Variants in RNU2-2 observed in about 807,000 individuals in gnomAD.
RNU2-2 encodes RNA, U2 small nuclear 2, also known as RNA, U2 small nuclear 2, pseudogene.
chr11:62,841,742 C>T, the RNU2-2 span: 3 of 152,144 alleles, frequency 2.0e-5, no homozygotes, highest in Admixed American at 6.5e-5. Flanking sequence ...GGATAGAGGA[C>T]GTATCAGATA....
chr11:62,841,729 C>CTCGGAT, the RNU2-2 span: 1 of 152,124 alleles, frequency 6.6e-6, no homozygotes. Flanking sequence ...ATATATTGTC[C>CTCGGAT]TCGGATAGAG....
chr11:62,841,772 T>A, the RNU2-2 span: 1 of 152,332 alleles, frequency 6.6e-6, no homozygotes, highest in Non-Finnish European at 1.5e-5. Flanking sequence ...TAAGAACAGA[T>A]ACTACACTTG....
the RNU2-2 span, chr11:62,841,773 A>C: frequency 6.6e-6 from 1 of 152,234 alleles, no homozygotes; most frequent in Admixed American, 6.5e-5. Flanking sequence ...AAGAACAGAT[A>C]CTACACTTGA....
chr11:62,841,698 C>A, the RNU2-2 span: 3 of 152,192 alleles, frequency 2.0e-5, no homozygotes, highest in Admixed American at 1.3e-4. Flanking sequence ...ATTCCATCTC[C>A]TATTTCCAAA....
chr11:62,841,732 G>T, the RNU2-2 span: 10 of 152,108 alleles, frequency 6.6e-5, no homozygotes, highest in African/African-American at 9.7e-5. Flanking sequence ...TATTGTCCTC[G>T]GATAGAGGAC....
At chr11:62,841,745 A>G in the RNU2-2 span, 3 of 152,332 alleles carry the variant, frequency 2.0e-5, no homozygotes, top group East Asian at 1.9e-4. Context: ...TAGAGGACGT[A>G]TCAGATATTA....
At chr11:62,841,684 T>A in the RNU2-2 span, 1 of 151,956 alleles carries the variant, frequency 6.6e-6, no homozygotes, top group Non-Finnish European at 1.5e-5. Context: ...CGGAGCAAGC[T>A]CCTATTCCAT....
chr11:62,841,723 A>AT, the RNU2-2 span: 1 of 152,190 alleles, frequency 6.6e-6, no homozygotes, highest in Admixed American at 6.5e-5. Context: ...CATTTAATAT[A>AT]TTGTCCTCGG....
chr11:62,841,728 C>G, the RNU2-2 span: 1 of 152,182 alleles, frequency 6.6e-6, no homozygotes, highest in African/African-American at 2.4e-5. Flanking sequence ...AATATATTGT[C>G]CTCGGATAGA....
the RNU2-2 span, chr11:62,841,765 G>C: frequency 2.0e-5 from 3 of 152,312 alleles, no homozygotes; most frequent in East Asian, 1.9e-4. Flanking sequence ...AAACTGATAA[G>C]AACAGATACT....
chr11:62,841,716 T>C, the RNU2-2 span: 1 of 152,194 alleles, frequency 6.6e-6, no homozygotes, highest in Non-Finnish European at 1.5e-5. Context: ...AAAAATCCAT[T>C]TAATATATTG....
chr11:62,841,703 T>A, the RNU2-2 span: 1 of 152,164 alleles, frequency 6.6e-6, no homozygotes, highest in African/African-American at 2.4e-5. Flanking sequence ...ATCTCCTATT[T>A]CCAAAAATCC....
the RNU2-2 span, chr11:62,841,643 ACTGCAAT>A: frequency 6.6e-6 from 1 of 152,248 alleles, no homozygotes; most frequent in African/African-American, 2.4e-5. Flanking sequence ...TCCTGGAAGT[ACTGCAAT>A]ACCAGGTCGA....
At chr11:62,841,765 G>T in the RNU2-2 span, 1 of 152,194 alleles carries the variant, frequency 6.6e-6, no homozygotes, top group Non-Finnish European at 1.5e-5. Flanking sequence ...AAACTGATAA[G>T]AACAGATACT....
chr11:62,841,731 C>T, the RNU2-2 span: 1 of 152,156 alleles, frequency 6.6e-6, no homozygotes, highest in Non-Finnish European at 1.5e-5. Flanking sequence ...ATATTGTCCT[C>T]GGATAGAGGA....
At chr11:62,841,734 A>T in the RNU2-2 span, 2 of 152,160 alleles carry the variant, frequency 1.3e-5, no homozygotes, top group African/African-American at 2.4e-5. Flanking sequence ...TTGTCCTCGG[A>T]TAGAGGACGT....
At chr11:62,841,716 T>TA in the RNU2-2 span, 2 of 152,194 alleles carry the variant, frequency 1.3e-5, no homozygotes, top group African/African-American at 2.4e-5. Context: ...AAAAATCCAT[T>TA]TAATATATTG....
chr11:62,841,724 T>G, the RNU2-2 span: 1 of 152,318 alleles, frequency 6.6e-6, no homozygotes, highest in African/African-American at 2.4e-5. Flanking sequence ...ATTTAATATA[T>G]TGTCCTCGGA....
chr11:62,841,673 A>T, the RNU2-2 span: 2 of 152,254 alleles, frequency 1.3e-5, no homozygotes, highest in East Asian at 1.9e-4. Context: ...CGTGGAGTGG[A>T]CGGAGCAAGC....
Sources: gnomAD v4.1 joint callset for allele counts on GRCh38, gnomAD v4.1.1 for gene constraint, MANE v1.5 for transcripts, NCBI Gene and HGNC (gene_info 2026-07-23, HGNC 2026-07-21) for gene names.